The following DAB1 variants were observed in gnomAD, a reference collection of about 807,000 sequenced individuals.
The protein encoded by DAB1 is DAB adaptor protein 1, also known as disabled homolog 1.
In DAB1, 15 loss-of-function variants were observed where a neutral mutation model predicts 64.6. That is an observed-to-expected ratio of 0.23 (90% CI 0.16 to 0.36). DAB1 has a LOEUF of 0.36. Ranked by LOEUF, DAB1 falls within the 10% of genes least tolerant of loss-of-function variation. The pLI is 1.00. For synonymous variants in DAB1, 235 were observed against 251.9 expected, an observed-to-expected ratio of 0.93 and a Z score of 0.64; for missense variants, 596 against 706.7, an observed-to-expected ratio of 0.84 and a Z score of 1.78.
In DAB1 at chr1:57,606,493, A is replaced by AATATATAATATATAATATAAT. The variant is rs1404121080; in HGVS notation, n.625+43078_625+43098dup. Among the ~76,000 whole-genome samples the AATATATAATATATAATATAAT allele has an allele frequency of 1.4e-3, 119 of 85,766 alleles. 2 individuals carry two copies. Among genetic ancestry groups the AATATATAATATATAATATAAT allele is most frequent in the Non-Finnish European group, 2.2e-3 (105 of 48,292 alleles). 56.3% of individuals were successfully genotyped at this position (85,766 alleles called of 152,430 possible). ...CATATGAAATATATAATACATATGA[A>AATATATAATATATAATATAAT]ATATATAATATATAATATAATATAT... On this transcript the variant is annotated intron_variant and non_coding_transcript_variant, in intron 7 of 20. Transcript: ENST00000485760.
At chr1:57,302,686 C>T (rs894674854) in intron 1 of DAB1, among the ~76,000 whole-genome samples, 3 of 152,108 alleles carry the variant, frequency 2.0e-5, no homozygotes, top group Admixed American at 1.3e-4. Context: ...TTACTGCAGC[C>T]TCCAACTCCT....
At chr1:58,357,875 A>T (rs1263049837) in intron 3 of DAB1, among the ~76,000 whole-genome samples, 1 of 152,120 alleles carries the variant, frequency 6.6e-6, no homozygotes, top group Non-Finnish European at 1.5e-5. Context: ...TCCCTCCCTC[A>T]ATTCTTTCCA....
At chr1:57,074,539 G>T (rs1441465294) in intron 4 of DAB1, among the ~76,000 whole-genome samples, 1 of 152,094 alleles carries the variant, frequency 6.6e-6, no homozygotes, top group Non-Finnish European at 1.5e-5. Context: ...CCATCCCTTG[G>T]CCGGATGCAA....
chr1:57,383,573 C>T (rs1681554812), intron 1 of DAB1, among the ~76,000 whole-genome samples: 1 of 152,050 alleles, frequency 6.6e-6, no homozygotes, highest in Non-Finnish European at 1.5e-5. Context: ...ACATAGAGAC[C>T]AATAGAAGAG....
rs560517310 is a variant in DAB1 at position 58,185,162 on chromosome 1, A to G, written n.310-34574T>C. 3.3e-5 allele frequency among the ~76,000 whole-genome samples: 5 copies of G among 152,370 alleles called. No homozygotes were observed. In the South Asian group the frequency reaches 1.0e-3, roughly 32 times the overall value. On this transcript the variant is annotated intron_variant and non_coding_transcript_variant, in intron 4 of 20. Coordinates refer to the DAB1 transcript ENST00000485760. ...ACTAGTTTGATGAGGATTTCTACTC[A>G]ATCGGCATATTCTAGTCTGGGTCCT...
At chr1:57,288,929 A>G (rs776313516) in intron 2 of DAB1, among the ~76,000 whole-genome samples, 6 of 152,202 alleles carry the variant, frequency 3.9e-5, no homozygotes, top group African/African-American at 7.2e-5. Context: ...AGTCTGTAAT[A>G]TTATATACCC....
At chr1:58,155,546 A>T (rs1014220130) in intron 4 of DAB1, among the ~76,000 whole-genome samples, 7 of 152,204 alleles carry the variant, frequency 4.6e-5, no homozygotes, top group Admixed American at 6.5e-5. Flanking sequence ...AGCACCCCCT[A>T]TTGGCAGAGC....
rs1334833718 is a variant in DAB1, at chr1:57,238,848, C to CACACACACAT, written c.67+52115_67+52116insATGTGTGTGT. On this transcript the variant is annotated intron_variant, in intron 2 of 14. Transcript: ENST00000371236. ...GCAGGCGTGTGCACATGCGCACACACACACACACACATACACACACACACA... is the reference window on the plus strand; with the variant it reads ...GCAGGCGTGTGCACATGCGCACACACACACACACATACACACACACATACACACACACACA... 3.0e-3 allele frequency among the ~76,000 whole-genome samples: 430 copies of CACACACACAT among 142,936 alleles called. 5 individuals carry two copies. The highest frequency in any genetic ancestry group is 0.014 in the Admixed American group (196 of 13,752). The allele number at this position is 142,936 out of a possible 152,430, so 93.8% of individuals were successfully genotyped here.
intron 4 of DAB1, among the ~76,000 whole-genome samples, chr1:57,102,577 T>C (rs1654778694): frequency 6.6e-6 from 1 of 152,232 alleles, no homozygotes; most frequent in African/African-American, 2.4e-5. Flanking sequence ...AAATCTATAA[T>C]TACAGCATAT....
intron 7 of DAB1, among the ~76,000 whole-genome samples, chr1:57,463,926 C>T (rs1686871918): frequency 6.6e-6 from 1 of 152,150 alleles, no homozygotes; most frequent in African/African-American, 2.4e-5. Flanking sequence ...ATATTTGCTA[C>T]ATCTGGACAT....
intron 2 of DAB1, among the ~76,000 whole-genome samples, chr1:58,524,815 T>C (rs1385492592): frequency 6.6e-6 from 1 of 152,198 alleles, no homozygotes; most frequent in Non-Finnish European, 1.5e-5. Flanking sequence ...GTTTACAGTA[T>C]TGCACTAAAC....
At chr1:57,657,726 G>T (rs2101664060) in intron 6 of DAB1, among the ~76,000 whole-genome samples, 1 of 152,338 alleles carries the variant, frequency 6.6e-6, no homozygotes, top group East Asian at 1.9e-4. Flanking sequence ...ATACGTTCAT[G>T]TGTGTAGTGG....
chr1:58,543,212 G>C (rs952727700), intron 1 of DAB1, among the ~76,000 whole-genome samples: 12 of 152,120 alleles, frequency 7.9e-5, no homozygotes, highest in Non-Finnish European at 2.9e-5. Flanking sequence ...GCAAATAAAT[G>C]ATCTCTAAGA....
At chr1:57,184,158 C>T (rs954524693) in intron 2 of DAB1, among the ~76,000 whole-genome samples, 2 of 152,156 alleles carry the variant, frequency 1.3e-5, no homozygotes, top group African/African-American at 4.8e-5. Context: ...ATCCAGGCAC[C>T]CTGTTAACAG....
At chr1:57,515,804 C>T (rs1292809927) in intron 7 of DAB1, among the ~76,000 whole-genome samples, 1 of 152,232 alleles carries the variant, frequency 6.6e-6, no homozygotes, top group Non-Finnish European at 1.5e-5. Context: ...ATGGCCCTTG[C>T]CCTCCTGGCA....
chr1:58,200,102 T>C (rs1657916413), intron 4 of DAB1, among the ~76,000 whole-genome samples: 3 of 152,234 alleles, frequency 2.0e-5, no homozygotes, highest in African/African-American at 7.2e-5. Context: ...CCGAATGCAG[T>C]GGGGATCACA....
chr1:57,836,668 T>A (rs1252473684), intron 1 of DAB1, among the ~76,000 whole-genome samples: 4 of 152,218 alleles, frequency 2.6e-5, no homozygotes, highest in Admixed American at 2.6e-4. Flanking sequence ...ATTATCACTG[T>A]GGGTTGTAAT....
chr1:57,551,960 T>C (rs911057319), intron 7 of DAB1, among the ~76,000 whole-genome samples: 4 of 152,146 alleles, frequency 2.6e-5, no homozygotes, highest in Non-Finnish European at 5.9e-5. Context: ...AAAAAATGCA[T>C]TCACACTTTC....
intron 3 of DAB1, among the ~76,000 whole-genome samples, chr1:58,346,463 G>A (rs746699183): frequency 9.9e-5 from 15 of 152,198 alleles, no homozygotes; most frequent in Non-Finnish European, 1.5e-5. Context: ...TATAGCAGCA[G>A]AACCATTTTT....
Sources: gnomAD v4.1 joint callset for allele counts (sites outside exome capture counted in the v4.1 genomes callset) on GRCh38, gnomAD v4.1.1 for gene constraint, MANE v1.5 for transcripts, NCBI Gene and HGNC (gene_info 2026-07-23, HGNC 2026-07-21) for gene names.